Variants in AGPAT3 observed in about 807,000 individuals in gnomAD.
AGPAT3 encodes 1-acylglycerol-3-phosphate O-acyltransferase 3.
AGPAT3 carries 5 observed loss-of-function variants against 47.3 expected under a neutral mutation model. The observed-to-expected ratio is 0.11, with a 90% CI of 0.06 to 0.22. The LOEUF (loss-of-function observed/expected upper bound fraction) is 0.22. Ranked by LOEUF, AGPAT3 falls within the 10% of genes least tolerant of loss-of-function variation. The pLI is 1.00. For missense variants in AGPAT3, 315 were observed against 493.0 expected (o/e 0.64, Z 3.42); for synonymous variants, 212 against 208.3 (o/e 1.02, Z -0.15).
chr21:43,911,830 C>T (rs1034486175), intron 2 of AGPAT3, among the ~76,000 whole-genome samples: 4 of 152,210 alleles, frequency 2.6e-5, no homozygotes, highest in East Asian at 1.9e-4. Flanking sequence ...GAGACGGGGG[C>T]GGTGGCTTTC....
intron 1 of AGPAT3, among the ~76,000 whole-genome samples, chr21:43,896,731 G>A (rs2086224533): frequency 6.6e-6 from 1 of 152,106 alleles, no homozygotes; most frequent in Admixed American, 6.5e-5. Context: ...CTATTACTGT[G>A]AAATTATCTT....
chr21:43,871,544 C>A (rs2085624620), intron 1 of AGPAT3, among the ~76,000 whole-genome samples: 1 of 152,198 alleles, frequency 6.6e-6, no homozygotes, highest in Non-Finnish European at 1.5e-5. Context: ...ACACGTGATC[C>A]ACATACCCGT....
chr21:43,958,291 CTG>C (rs942996756), intron 2 of AGPAT3, among the ~76,000 whole-genome samples: 9 of 151,126 alleles, frequency 6.0e-5, no homozygotes, highest in Admixed American at 1.3e-4. Context: ...GTGTGTGAGA[CTG>C]TGGTGCATAT....
chr21:43,939,119 A>C lies in AGPAT3; in HGVS notation c.-48-20515A>C, dbSNP rs2087556134. 6.6e-6 allele frequency among the ~76,000 whole-genome samples: 1 copy of C among 152,120 alleles called. No individual in the cohort carries two copies. The highest frequency in any genetic ancestry group is 2.1e-4 in the South Asian group (1 of 4,828). On this transcript the variant is annotated intron_variant, in intron 2 of 9. Coordinates refer to ENST00000291572, the MANE Select transcript of AGPAT3 (RefSeq NM_020132.5). The surrounding 1 kb of genome is among the most constrained non-coding windows in gnomAD (Gnocchi z 4.4). The stretch of plus-strand genomic sequence containing the variant: ...GCATCCTGGGCAAACCCTGCTGGGG[A>C]CAGGTTCGTTGTGTCTGATGCCGTG...
chr21:43,903,018 G>T (rs1427016217), intron 1 of AGPAT3, among the ~76,000 whole-genome samples: 2 of 152,122 alleles, frequency 1.3e-5, no homozygotes, highest in Non-Finnish European at 2.9e-5. Context: ...ATATGAATTT[G>T]TAGCTGGGGG....
rs899169456 is a variant in AGPAT3 at position 43,934,838 on chromosome 21, G to A, written c.-48-24796G>A. ...CACCACCTCTACCCCTCACGTCACC[G>A]ACGCCACTCACATGCCACTCACATG... On this transcript the variant is annotated intron_variant, in intron 2 of 9. Coordinates refer to ENST00000291572, the MANE Select transcript of AGPAT3 (RefSeq NM_020132.5). The surrounding 1 kb of genome is among the most constrained non-coding windows in gnomAD (Gnocchi z 4.7). Among the ~76,000 whole-genome samples the A allele has an allele frequency of 1.5e-4, 19 of 123,152 alleles. No homozygotes were observed. The highest frequency in any genetic ancestry group is 5.6e-4 in the South Asian group (2 of 3,578). 80.8% of individuals were successfully genotyped at this position (123,152 alleles called of 152,430 possible).
At chr21:43,953,858 T>A (rs2088317859) in intron 2 of AGPAT3, among the ~76,000 whole-genome samples, 1 of 152,200 alleles carries the variant, frequency 6.6e-6, no homozygotes, top group Non-Finnish European at 1.5e-5. Flanking sequence ...AGCTGGCTGG[T>A]TGCAGTGGCT....
At position 43,920,267 on chromosome 21, in the gene AGPAT3, C is replaced by T. The variant is rs748759712; in HGVS notation, c.-49+16248C>T. 1.3e-5 allele frequency among the ~76,000 whole-genome samples: 2 copies of T among 151,620 alleles called. No individual in the cohort carries two copies. The highest frequency in any genetic ancestry group is 1.5e-5 in the Non-Finnish European group (1 of 67,920). ...TGTGTGTGTAAGGGTGTGTGTAAAG[C>T]GTGAATGTGTCAGTGTGAGAGTGTG... On this transcript the variant is annotated intron_variant, in intron 2 of 9. Transcript: ENST00000291572. This position sits in a 1 kb window ranked among gnomAD's most constrained non-coding sequence, Gnocchi z 6.1.
At chr21:43,895,110 T>A (rs977555919) in intron 1 of AGPAT3, among the ~76,000 whole-genome samples, 5 of 151,796 alleles carry the variant, frequency 3.3e-5, no homozygotes, top group African/African-American at 1.2e-4. Flanking sequence ...ATTATTTATT[T>A]ATTTTTTTTT....
intron 8 of AGPAT3, among the ~76,000 whole-genome samples, chr21:43,979,645 T>C (rs940559969): frequency 1.3e-5 from 2 of 152,224 alleles, no homozygotes; most frequent in Non-Finnish European, 2.9e-5. Context: ...CTTTCTCCTC[T>C]TGGGCTCAAG....
intron 1 of AGPAT3, among the ~76,000 whole-genome samples, chr21:43,875,242 C>T (rs939928667): frequency 1.3e-5 from 2 of 152,224 alleles, no homozygotes; most frequent in East Asian, 1.9e-4. Context: ...GCCTCCCTCC[C>T]GTGTATTTTT....
At chr21:43,891,088 A>G (rs765435198) in intron 1 of AGPAT3, among the ~76,000 whole-genome samples, 5 of 152,236 alleles carry the variant, frequency 3.3e-5, no homozygotes, top group Non-Finnish European at 7.3e-5. Context: ...ACGGACAGCA[A>G]TGAAGCTTGC....
intron 3 of AGPAT3, among the ~76,000 whole-genome samples, chr21:43,961,466 A>G (rs1361009289): frequency 6.6e-6 from 1 of 150,550 alleles, no homozygotes; most frequent in Admixed American, 6.6e-5. Flanking sequence ...GTGAGCACGT[A>G]GACACTTTGT....
chr21:43,978,373 G>A (rs1253978196), intron 8 of AGPAT3, among the ~76,000 whole-genome samples: 1 of 152,210 alleles, frequency 6.6e-6, no homozygotes, highest in South Asian at 2.1e-4. Context: ...TGCGATCCTG[G>A]CTCACTGCTG....
chr21:43,949,453 A>C (rs983758213), intron 2 of AGPAT3, among the ~76,000 whole-genome samples: 6 of 152,232 alleles, frequency 3.9e-5, no homozygotes, highest in Non-Finnish European at 7.3e-5. Flanking sequence ...GACTAGCCCA[A>C]GCCACCACCT....
chr21:43,919,292 T>C (rs1361827652), intron 2 of AGPAT3, among the ~76,000 whole-genome samples: 1 of 152,086 alleles, frequency 6.6e-6, no homozygotes, highest in Non-Finnish European at 1.5e-5. Flanking sequence ...GGACCCAATA[T>C]AGAGTCTCTA....
intron 2 of AGPAT3, among the ~76,000 whole-genome samples, chr21:43,909,269 T>G (rs932573636): frequency 6.7e-6 from 1 of 149,106 alleles, no homozygotes; most frequent in East Asian, 2.0e-4. Flanking sequence ...TGGCCGGCGG[T>G]GGGCCACTCA....
intron 2 of AGPAT3, among the ~76,000 whole-genome samples, chr21:43,946,268 C>T (rs1215195220): frequency 1.3e-5 from 2 of 152,184 alleles, no homozygotes; most frequent in Admixed American, 1.3e-4. Context: ...ACCAGAATTC[C>T]ACCTCCTACA....
intron 2 of AGPAT3, among the ~76,000 whole-genome samples, chr21:43,956,546 C>G (rs1421652984): frequency 6.6e-6 from 1 of 152,204 alleles, no homozygotes; most frequent in Admixed American, 6.5e-5. Context: ...CTTTTCTGTC[C>G]TTTCTGTCTA....
Sources: allele counts gnomAD v4.1 joint callset (sites outside exome capture counted in the v4.1 genomes callset), GRCh38; gene constraint gnomAD v4.1.1; non-coding constraint Gnocchi (gnomAD v3.1); transcripts MANE v1.5; gene names NCBI Gene and HGNC (gene_info 2026-07-23, HGNC 2026-07-21).